The following SMARCAL1 variants were observed in gnomAD, a reference collection of about 807,000 sequenced individuals.
SMARCAL1 encodes the protein ATP-driven annealing helicase.
A neutral mutation model predicts 94.5 loss-of-function variants in SMARCAL1; 58 were observed. The ratio of observed to expected loss-of-function variants is 0.61; its 90% confidence interval spans 0.50 to 0.76. SMARCAL1 has a LOEUF of 0.76. Among genes scored for constraint, SMARCAL1 ranks in the 30% least tolerant of loss-of-function variants. The pLI, the probability that SMARCAL1 is intolerant of heterozygous loss-of-function variation, is 0.00. For missense variants in SMARCAL1, 1,051 were observed against 1,177.9 expected (o/e 0.89, Z 1.58); for synonymous variants, 422 against 455.1 (o/e 0.93, Z 0.93).
intron 14 of SMARCAL1, among the ~76,000 whole-genome samples, chr2:216,472,663 A>C (rs908448055): frequency 9.6e-5 from 2 of 20,868 alleles, no homozygotes; most frequent in Non-Finnish European, 2.0e-4. Flanking sequence ...TCCCAGTAGG[A>C]AAAAAAAAAA....
intron 11 of SMARCAL1, among the ~76,000 whole-genome samples, chr2:216,448,873 G>T (rs1431189813): frequency 2.0e-5 from 3 of 151,884 alleles, no homozygotes; most frequent in Non-Finnish European, 4.4e-5. Context: ...TTGGTATTTT[G>T]GTGTTACTAA....
At position 216,475,299 on chromosome 2, in the gene SMARCAL1, A is replaced by G. The variant is rs972728406; in HGVS notation, c.2275A>G (p.Thr759Ala). Residue 759 changes from threonine to alanine, a missense_variant, in exon 15 of 18, where the codon ACC becomes GCC. Physicochemically the swap from Thr to Ala is moderately conservative, Grantham distance 58 (BLOSUM62 0). Transcript: ENST00000357276. The surrounding 1 kb of genome is among the most constrained non-coding windows in gnomAD (Gnocchi z 4.4). ...HVQHIRIDGS[T>A]SSAEREDLCQ... ...GCAGCACATCCGCATCGATGGCTCC[A>G]CCTCATCAGCTGAGCGGGAGGACCT... is the stretch of plus-strand genomic sequence containing the variant. The G allele has an allele frequency of 6.2e-7, 1 of 1,614,164 alleles. No individual in the cohort carries two copies. The highest frequency in any genetic ancestry group is 8.5e-7 in the Non-Finnish European group (1 of 1,180,026).
intron 1 of SMARCAL1, 130 bp from the exon 2 acceptor site, chr2:216,413,726 A>C (rs887348730): frequency 2.0e-5 from 3 of 152,192 alleles, no homozygotes; most frequent in Admixed American, 1.3e-4. Flanking sequence ...TCAGGTCCTA[A>C]GGCCAGCTGC....
chr2:216,462,067 G>A (rs1694718699), intron 12 of SMARCAL1, among the ~76,000 whole-genome samples: 3 of 152,168 alleles, frequency 2.0e-5, no homozygotes, highest in Non-Finnish European at 4.4e-5. Context: ...TTTAAAGGGG[G>A]TTGGTACGTT....
rs2106033735 is a variant in SMARCAL1 at position 216,432,841 on chromosome 2, A to G, written c.1458A>G (p.Pro486=). ...AGTGGCCGCTCCTGGTGGTGGTGCC[A>G]TCCTCCGTGCGCTTCACCTGGGAGC... ...RKEWPLLVVV[P]SSVRFTWEQA... Residue 486 remains proline, a synonymous_variant, in exon 8 of 18, where the codon CCA becomes CCG. Coordinates refer to ENST00000357276, the MANE Select transcript of SMARCAL1 (RefSeq NM_014140.4). 1 of 1,614,208 alleles carries G rather than the reference A, an allele frequency of 6.2e-7. No individual in the cohort carries two copies. Among genetic ancestry groups the G allele is most frequent in the Non-Finnish European group, 8.5e-7 (1 of 1,180,046 alleles).
chr2:216,464,723 A>G (rs1381099020), intron 13 of SMARCAL1, 56 bp downstream of exon 13: 1 of 1,144,790 alleles, frequency 8.7e-7, no homozygotes, highest in South Asian at 1.2e-5. Flanking sequence ...AAAAAAAAAA[A>G]CAACTTATTA....
chr2:216,416,363 G>C (rs1228406157), intron 4 of SMARCAL1, 56 bp downstream of exon 4: 3 of 1,445,746 alleles, frequency 2.1e-6, no homozygotes, highest in African/African-American at 2.8e-5. Context: ...AAAATCTTTA[G>C]AGTATCACAT....
At chr2:216,424,619 T>C (rs998115314) in intron 6 of SMARCAL1, among the ~76,000 whole-genome samples, 2 of 152,204 alleles carry the variant, frequency 1.3e-5, no homozygotes, top group Non-Finnish European at 1.5e-5. Context: ...CTCCTTCTTA[T>C]GTGACTTACT....
Position 216,415,482 on chromosome 2 carries a change from G to A in SMARCAL1, c.778G>A (p.Ala260Thr), listed in dbSNP as rs1693576885. Reference sequence around the variant, plus strand: ...GATTGGGTACAATGCGGAACTCATTGCAGTGTTTAAGACCCTGCCCAGCAA... The same window carrying A: ...GATTGGGTACAATGCGGAACTCATTACAGTGTTTAAGACCCTGCCCAGCAA... Reference protein sequence around the residue: ...VLIGYNAELIAVFKTLPSKNY... With the variant: ...VLIGYNAELITVFKTLPSKNY... The change falls in exon 3 of 18, where the codon GCA becomes ACA. Residue 260 changes from alanine (A) to threonine (T), a missense_variant. By Grantham distance (58) the Ala-to-Thr change is moderately conservative. Coordinates refer to ENST00000357276, the MANE Select transcript of SMARCAL1 (RefSeq NM_014140.4). 2 of 1,613,754 alleles carry A rather than the reference G, an allele frequency of 1.2e-6. No individual in the cohort carries two copies. Among genetic ancestry groups the A allele is most frequent in the African/African-American group, 2.7e-5 (2 of 74,882 alleles).
chr2:216,453,644 T>G (rs1694496308), intron 12 of SMARCAL1, among the ~76,000 whole-genome samples: 1 of 152,196 alleles, frequency 6.6e-6, no homozygotes. Flanking sequence ...AAATGGGGAC[T>G]TATTTTTTTT....
intron 10 of SMARCAL1, among the ~76,000 whole-genome samples, chr2:216,441,983 T>C (rs1308547506): frequency 6.6e-6 from 1 of 152,240 alleles, no homozygotes; most frequent in Non-Finnish European, 1.5e-5. Context: ...CATTCTTTCC[T>C]AAGAAGCAGC....
chr2:216,450,590 A>G (rs539715369), intron 11 of SMARCAL1, among the ~76,000 whole-genome samples: 8 of 152,340 alleles, frequency 5.3e-5, no homozygotes, highest in Admixed American at 5.2e-4. Context: ...GCTGCTGGAA[A>G]AGAAAGCTCA....
chr2:216,469,678 G>C (rs1320587554), intron 14 of SMARCAL1, among the ~76,000 whole-genome samples: 1 of 152,128 alleles, frequency 6.6e-6, no homozygotes, highest in Non-Finnish European at 1.5e-5. Flanking sequence ...TATTATAGTA[G>C]GTGTATGTTT....
chr2:216,468,939 C>G (rs893887040), intron 14 of SMARCAL1, among the ~76,000 whole-genome samples: 1 of 152,142 alleles, frequency 6.6e-6, no homozygotes, highest in Non-Finnish European at 1.5e-5. Flanking sequence ...TCTTGAACTC[C>G]TGGCCTCAAG....
chr2:216,443,148 G>T (rs1328903981), intron 10 of SMARCAL1, among the ~76,000 whole-genome samples: 1 of 152,100 alleles, frequency 6.6e-6, no homozygotes, highest in African/African-American at 2.4e-5. Context: ...GGAAGCTGAG[G>T]TGGGCAGATC....
Position 216,482,849 on chromosome 2 carries a change from G to C in SMARCAL1, c.2737G>C (p.Gly913Arg). Residue 913 changes from glycine to arginine, a missense_variant, in exon 18 of 18, where the codon GGA becomes CGA. By Grantham distance (125) the Gly-to-Arg change is moderately radical (BLOSUM62 -2). Around this residue, in one of 3 missense-constraint regions of SMARCAL1, gnomAD observed 642 missense variants for 754.7 expected, o/e 0.85. Transcript: ENST00000357276. This position sits in a 1 kb window ranked among gnomAD's most constrained non-coding sequence, Gnocchi z 4.3. ...GTCCTTTGACCCAGGAAGTGCTTCAGGAACATCTGGAAGTAGTTCCCAGAA... is the reference window on the plus strand; with the variant it reads ...GTCCTTTGACCCAGGAAGTGCTTCACGAACATCTGGAAGTAGTTCCCAGAA... ...AESFDPGSAS[G>R]TSGSSSQNMG... 6.2e-7 allele frequency: 1 copy of C among 1,614,198 alleles called. No individual in the cohort carries two copies. Among genetic ancestry groups the C allele is most frequent in the South Asian group, 1.1e-5 (1 of 91,074 alleles).
At chr2:216,474,930 T>C (rs1036330851) in intron 14 of SMARCAL1, among the ~76,000 whole-genome samples, 2 of 152,314 alleles carry the variant, frequency 1.3e-5, no homozygotes, top group Non-Finnish European at 2.9e-5. Flanking sequence ...GATAAAATTG[T>C]GTAGAACACA....
intron 14 of SMARCAL1, among the ~76,000 whole-genome samples, chr2:216,472,661 G>GGA (rs1207639959): frequency 1.3e-5 from 1 of 74,276 alleles, no homozygotes; most frequent in African/African-American, 4.7e-5. Flanking sequence ...ACTCCCAGTA[G>GGA]GAAAAAAAAA....
At chr2:216,456,531 G>A (rs1026668110) in intron 12 of SMARCAL1, among the ~76,000 whole-genome samples, 2 of 133,516 alleles carry the variant, frequency 1.5e-5, no homozygotes, top group African/African-American at 6.0e-5. Context: ...AGAGAGTGGG[G>A]GCCAATATTC....
Sources: allele counts gnomAD v4.1 joint callset (sites outside exome capture counted in the v4.1 genomes callset), GRCh38; gene constraint gnomAD v4.1.1; regional missense constraint gnomAD v4.1.1; non-coding constraint Gnocchi (gnomAD v3.1); transcripts MANE v1.5; gene names NCBI Gene and HGNC (gene_info 2026-07-23, HGNC 2026-07-21).